KHDRBS3: variants seen among roughly 807,000 people sequenced by gnomAD.
The protein encoded by KHDRBS3 is KH RNA binding domain containing, signal transduction associated 3.
Under a neutral mutation model 45.6 loss-of-function variants are expected in KHDRBS3, and 23 were observed. The ratio of observed to expected loss-of-function variants is 0.50; its 90% confidence interval spans 0.36 to 0.72. KHDRBS3 has a LOEUF of 0.72. KHDRBS3 is among the 30% of genes least tolerant of loss of function. The pLI is 0.00. For synonymous variants in KHDRBS3, 162 were observed against 156.5 expected (o/e 1.04, Z -0.26); for missense variants, 352 against 424.8 (o/e 0.83, Z 1.51).
chr8:135,638,421 G>T (rs1830909947), intron 7 of KHDRBS3, among the ~76,000 whole-genome samples: 1 of 152,216 alleles, frequency 6.6e-6, no homozygotes, highest in South Asian at 2.1e-4. Flanking sequence ...TTTAAATAAG[G>T]GGTAGCTTTT....
intron 6 of KHDRBS3, among the ~76,000 whole-genome samples, chr8:135,587,471 G>A (rs1033068054): frequency 2.6e-5 from 4 of 152,172 alleles, no homozygotes; most frequent in Non-Finnish European, 5.9e-5. Flanking sequence ...AAAACAGATA[G>A]TGGATGTTTT....
At chr8:135,469,016 A>G (rs928641764) in intron 1 of KHDRBS3, among the ~76,000 whole-genome samples, 6 of 152,256 alleles carry the variant, frequency 3.9e-5, no homozygotes, top group Non-Finnish European at 8.8e-5. Flanking sequence ...ATCTCAAGGC[A>G]TAGCCATACT....
intron 5 of KHDRBS3, among the ~76,000 whole-genome samples, chr8:135,565,600 T>C (rs1263608326): frequency 6.6e-6 from 1 of 152,230 alleles, no homozygotes; most frequent in Admixed American, 6.5e-5. Flanking sequence ...ACTTGCAGTC[T>C]GCCCTGTGCA....
intron 1 of KHDRBS3, among the ~76,000 whole-genome samples, chr8:135,462,002 T>C (rs1428296207): frequency 6.6e-6 from 1 of 152,232 alleles, no homozygotes; most frequent in African/African-American, 2.4e-5. Flanking sequence ...TGTACATCTC[T>C]TTGTAATCCA....
chr8:135,644,702 A>T (rs2131198145), intron 7 of KHDRBS3, among the ~76,000 whole-genome samples: 1 of 152,288 alleles, frequency 6.6e-6, no homozygotes, highest in South Asian at 2.1e-4. Context: ...ACTGGGCTAG[A>T]ATTGTCCACA....
At chr8:135,551,155 C>T (rs186733478) in intron 4 of KHDRBS3, among the ~76,000 whole-genome samples, 118 of 152,062 alleles carry the variant, frequency 7.8e-4, no homozygotes, top group East Asian at 6.6e-3. Context: ...TAAGTGGAAT[C>T]CTAATTAGTG....
At chr8:135,630,929 T>C (rs544493424) in intron 7 of KHDRBS3, among the ~76,000 whole-genome samples, 42 of 152,260 alleles carry the variant, frequency 2.8e-4, no homozygotes, top group South Asian at 8.3e-4. Flanking sequence ...AGACATTGTA[T>C]GCATAGGCTA....
intron 2 of KHDRBS3, chr8:135,539,902 T>C (rs1825961500): frequency 6.6e-6 from 1 of 152,196 alleles, no homozygotes; most frequent in South Asian, 2.1e-4. Context: ...GTCAATAAAA[T>C]GCTTTTTCTT....
chr8:135,536,886 G>A (rs1250341978), intron 2 of KHDRBS3, among the ~76,000 whole-genome samples: 1 of 145,506 alleles, frequency 6.9e-6, no homozygotes, highest in Non-Finnish European at 1.5e-5. Context: ...CATGAACCCG[G>A]GAAGCGGAGC....
In KHDRBS3 at chr8:135,581,907, T is replaced by A; in HGVS notation, c.641T>A (p.Val214Asp). Residue 214 changes from valine to aspartate, a missense_variant, in exon 6 of 9, where the codon GTT becomes GAT. Transcript: ENST00000355849. Reference protein sequence around the residue: ...RGRGGVTARPVGVVVPRGTPT... With the variant: ...RGRGGVTARPDGVVVPRGTPT... Reference sequence around the variant, plus strand: ...AGGGGAGGAGTTACAGCCCGGCCAGTTGGAGTTGTAGTACCACGAGGGACG... The same window carrying A: ...AGGGGAGGAGTTACAGCCCGGCCAGATGGAGTTGTAGTACCACGAGGGACG... The A allele has an allele frequency of 6.2e-7, 1 of 1,605,758 alleles. No individual in the cohort carries two copies. Among genetic ancestry groups the A allele is most frequent in the Non-Finnish European group, 8.5e-7 (1 of 1,174,400 alleles).
intron 1 of KHDRBS3, among the ~76,000 whole-genome samples, chr8:135,515,360 C>CCCAGTAGCT (rs1824528796): frequency 1.9e-5 from 1 of 52,060 alleles, no homozygotes; most frequent in Non-Finnish European, 3.8e-5. Context: ...AGCGAGACTC[C>CCCAGTAGCT]GTCTTAAAAA....
At chr8:135,508,731 C>T (rs994536319) in intron 1 of KHDRBS3, among the ~76,000 whole-genome samples, 2 of 152,108 alleles carry the variant, frequency 1.3e-5, no homozygotes, top group African/African-American at 4.8e-5. Context: ...AGTCTGTGGA[C>T]TTACTATTTA....
intron 2 of KHDRBS3, among the ~76,000 whole-genome samples, chr8:135,537,085 A>G (rs1410221348): frequency 1.3e-5 from 2 of 151,614 alleles, no homozygotes; most frequent in Admixed American, 6.6e-5. Flanking sequence ...TGTTGGAGAG[A>G]TAAAGCAGTG....
In KHDRBS3 at chr8:135,457,862, C is replaced by T; in HGVS notation, c.-5C>T. On this transcript the variant is annotated 5_prime_UTR_variant, in exon 1 of 9. Transcript: ENST00000355849. This position sits in a 1 kb window ranked among gnomAD's most constrained non-coding sequence, Gnocchi z 4.4. Reference sequence around the variant, plus strand: ...TCCACATCCCGGGCCCGGCGGCCGGCGAGCATGGAGGAGAAGTACCTGCCC... The same window carrying T: ...TCCACATCCCGGGCCCGGCGGCCGGTGAGCATGGAGGAGAAGTACCTGCCC... 14 of 1,571,314 alleles carry T rather than the reference C, an allele frequency of 8.9e-6. No individual in the cohort carries two copies. The highest frequency in any genetic ancestry group is 1.2e-5 in the Non-Finnish European group (14 of 1,160,294).
chr8:135,556,213 T>C (rs1440056616), intron 4 of KHDRBS3, among the ~76,000 whole-genome samples: 2 of 152,240 alleles, frequency 1.3e-5, no homozygotes, highest in Admixed American at 1.3e-4. Flanking sequence ...CATGTGTCTT[T>C]ATCCTAGAAT....
chr8:135,553,163 A>G (rs1315414537), intron 4 of KHDRBS3, among the ~76,000 whole-genome samples: 1 of 152,138 alleles, frequency 6.6e-6, no homozygotes, highest in Non-Finnish European at 1.5e-5. Context: ...TTCTTGACGC[A>G]ACCCAAGATG....
At chr8:135,490,645 G>A (rs1394978720) in intron 1 of KHDRBS3, among the ~76,000 whole-genome samples, 5 of 152,050 alleles carry the variant, frequency 3.3e-5, no homozygotes, top group South Asian at 2.1e-4. Context: ...AAATCAAATG[G>A]GAAGTTTCTC....
chr8:135,560,676 G>A (rs1218442196), intron 5 of KHDRBS3, among the ~76,000 whole-genome samples: 1 of 152,160 alleles, frequency 6.6e-6, no homozygotes, highest in Non-Finnish European at 1.5e-5. Context: ...CATCTGCACA[G>A]ATGAAAACTC....
intron 4 of KHDRBS3, among the ~76,000 whole-genome samples, chr8:135,553,788 A>G (rs778849185): frequency 3.3e-5 from 5 of 152,198 alleles, no homozygotes; most frequent in Admixed American, 1.3e-4. Flanking sequence ...TCCTGCTTAC[A>G]CATATTTACT....
Sources: gnomAD v4.1 joint callset for allele counts (sites outside exome capture counted in the v4.1 genomes callset) on GRCh38, gnomAD v4.1.1 for gene constraint, Gnocchi (gnomAD v3.1) non-coding constraint, MANE v1.5 for transcripts, NCBI Gene and HGNC (gene_info 2026-07-23, HGNC 2026-07-21) for gene names.